The following SDK1 variants were observed in gnomAD, a reference collection of about 807,000 sequenced individuals.
SDK1 encodes protein sidekick-1.
Under a neutral mutation model 245.5 loss-of-function variants are expected in SDK1, and 157 were observed. The observed-to-expected ratio is 0.64, with a 90% CI of 0.56 to 0.73. The LOEUF is 0.73. Among genes scored for constraint, SDK1 ranks in the 30% least tolerant of loss-of-function variants. SDK1 has a pLI of 0.00. For missense variants in SDK1, 3,583 were observed against 3,002.3 expected (o/e 1.19, Z -4.52); for synonymous variants, 1,647 against 1,278.5 (o/e 1.29, Z -6.15).
At chr7:3,578,552 C>G (rs529602495) in intron 1 of SDK1, among the ~76,000 whole-genome samples, 1 of 151,860 alleles carries the variant, frequency 6.6e-6, no homozygotes, top group Non-Finnish European at 1.5e-5. Flanking sequence ...TGCAGGAGAC[C>G]AGGGTGTATT....
At chr7:3,491,256 C>G (rs1170169269) in intron 1 of SDK1, among the ~76,000 whole-genome samples, 1 of 152,206 alleles carries the variant, frequency 6.6e-6, no homozygotes, top group Non-Finnish European at 1.5e-5. Flanking sequence ...AGCACCTGTG[C>G]TGCGTTGTAT....
chr7:3,970,347 A>G (rs971659175), intron 11 of SDK1, among the ~76,000 whole-genome samples: 1 of 152,260 alleles, frequency 6.6e-6, no homozygotes, highest in African/African-American at 2.4e-5. Flanking sequence ...CCTAATTTGT[A>G]AAATGATCAT....
At chr7:3,420,581 C>T (rs911412809) in intron 1 of SDK1, among the ~76,000 whole-genome samples, 1 of 152,052 alleles carries the variant, frequency 6.6e-6, no homozygotes, top group African/African-American at 2.4e-5. Flanking sequence ...AAAGATTTTA[C>T]TTAATTTTGG....
At chr7:3,620,655 TC>T (rs1479526323) in intron 2 of SDK1, among the ~76,000 whole-genome samples, 1 of 152,102 alleles carries the variant, frequency 6.6e-6, no homozygotes, top group Non-Finnish European at 1.5e-5. Flanking sequence ...AAACCTTGCT[TC>T]CCAGCCTCTG....
intron 1 of SDK1, among the ~76,000 whole-genome samples, chr7:3,507,808 G>A (rs1178378158): frequency 2.0e-5 from 3 of 152,082 alleles, no homozygotes; most frequent in South Asian, 2.1e-4. Flanking sequence ...GTCTTAAACC[G>A]CCATATCTGG....
chr7:3,389,479 C>T (rs1050777103), intron 1 of SDK1, among the ~76,000 whole-genome samples: 3 of 152,186 alleles, frequency 2.0e-5, no homozygotes, highest in African/African-American at 4.8e-5. Context: ...GAGTGTAGCT[C>T]TACCATCACC....
intron 4 of SDK1, among the ~76,000 whole-genome samples, chr7:3,690,205 G>A (rs994493776): frequency 6.6e-6 from 1 of 152,068 alleles, no homozygotes; most frequent in Non-Finnish European, 1.5e-5. Context: ...TCATCACGAC[G>A]CTAATGTTTC....
intron 1 of SDK1, among the ~76,000 whole-genome samples, chr7:3,459,449 C>A (rs1297455700): frequency 6.6e-6 from 1 of 152,164 alleles, no homozygotes; most frequent in Non-Finnish European, 1.5e-5. Context: ...TCCCCAGTGC[C>A]ATGAAGAACC....
chr7:3,642,214 A>G lies in SDK1; in HGVS notation c.713+109A>G, dbSNP rs1480299372. On this transcript the variant is annotated intron_variant, in intron 4 of 44. Transcript: ENST00000404826. ...AGGTTACCGATGATTTAAAAAGAGC[A>G]AACTAGTCTAGGAGTCCTATCCTAA... The G allele has an allele frequency of 3.9e-6, 4 of 1,017,720 alleles. No individual in the cohort carries two copies. The East Asian group carries it at 1.0e-4, about 27-fold the overall frequency. 63.0% of individuals were successfully genotyped at this position (1,017,720 alleles called of 1,614,324 possible). A position where few individuals can be genotyped will look rare whatever the true frequency, so the allele number is the denominator to read the frequency against.
intron 4 of SDK1, among the ~76,000 whole-genome samples, chr7:3,677,387 C>T (rs1281248399): frequency 6.6e-6 from 1 of 152,186 alleles, no homozygotes; most frequent in East Asian, 1.9e-4. Flanking sequence ...AATGGACTCA[C>T]AGTTCCACAT....
chr7:3,609,585 A>G (rs1211780443), intron 1 of SDK1, among the ~76,000 whole-genome samples: 1 of 151,816 alleles, frequency 6.6e-6, no homozygotes, highest in Non-Finnish European at 1.5e-5. Flanking sequence ...TATTTTCAGT[A>G]GAGATGGGGT....
At chr7:3,472,299 T>C (rs1276456549) in intron 1 of SDK1, among the ~76,000 whole-genome samples, 2 of 152,214 alleles carry the variant, frequency 1.3e-5, no homozygotes, top group Non-Finnish European at 2.9e-5. Context: ...GATAACAGTT[T>C]AGTTTCCACA....
chr7:4,017,760 C>T (rs529683809), intron 17 of SDK1, among the ~76,000 whole-genome samples: 8 of 152,264 alleles, frequency 5.3e-5, no homozygotes, highest in Admixed American at 2.0e-4. Flanking sequence ...TTTTTAACGA[C>T]GTAACGTGAT....
intron 5 of SDK1, among the ~76,000 whole-genome samples, chr7:3,890,121 G>A (rs765885475): frequency 6.6e-6 from 1 of 152,210 alleles, no homozygotes; most frequent in African/African-American, 2.4e-5. Context: ...CCCTAGCTCA[G>A]AGTCCTGCAG....
At chr7:3,672,584 T>C (rs989851302) in intron 4 of SDK1, among the ~76,000 whole-genome samples, 2 of 141,598 alleles carry the variant, frequency 1.4e-5, no homozygotes, top group African/African-American at 5.2e-5. Context: ...TGTGGAGAAA[T>C]ATATATATAT....
rs935313359 is a variant in SDK1, at chr7:4,077,556, C to T, written c.3202+367C>T. 3.3e-5 allele frequency among the ~76,000 whole-genome samples: 5 copies of T among 152,258 alleles called. No individual in the cohort carries two copies. The South Asian group carries it at 8.3e-4, about 25-fold the overall frequency. ...TTCATGCTGCTGATAAAGACATACC[C>T]GAGACTGGGCCATTTACAAAAGAAA... On this transcript the variant is annotated intron_variant, in intron 21 of 44. Transcript: ENST00000404826.
At chr7:3,897,632 G>C (rs575950624) in intron 5 of SDK1, among the ~76,000 whole-genome samples, 2 of 152,222 alleles carry the variant, frequency 1.3e-5, no homozygotes, top group South Asian at 4.1e-4. Flanking sequence ...CCTTGTGGCT[G>C]TTATGAACAG....
intron 1 of SDK1, among the ~76,000 whole-genome samples, chr7:3,530,961 C>T (rs550759749): frequency 8.5e-5 from 13 of 152,224 alleles, no homozygotes; most frequent in South Asian, 4.1e-4. Flanking sequence ...TAGTTGATAA[C>T]GTCTGTTGAA....
At chr7:3,761,648 C>T (rs1780108204) in intron 4 of SDK1, among the ~76,000 whole-genome samples, 1 of 151,492 alleles carries the variant, frequency 6.6e-6, no homozygotes. Flanking sequence ...CAGAAAACAT[C>T]TAGGATGCTG....
Sources: gnomAD v4.1 joint callset for allele counts (sites outside exome capture counted in the v4.1 genomes callset) on GRCh38, gnomAD v4.1.1 for gene constraint, MANE v1.5 for transcripts, NCBI Gene and HGNC (gene_info 2026-07-23, HGNC 2026-07-21) for gene names.